Variants in GINS1 observed in about 807,000 individuals in gnomAD.
The protein encoded by GINS1 is DNA replication complex GINS protein PSF1.
In GINS1, 26 loss-of-function variants were observed where a neutral mutation model predicts 34.9. The ratio of observed to expected loss-of-function variants is 0.74; its 90% CI spans 0.55 to 1.03. The LOEUF (loss-of-function observed/expected upper bound fraction) is 1.03, where lower values mean the gene tolerates loss of function less well. GINS1 is among the 50% of genes least tolerant of loss of function. GINS1 has a pLI of 0.00. For synonymous variants in GINS1, 97 were observed against 84.4 expected (o/e 1.15, Z -0.82); for missense variants, 235 against 237.9 (o/e 0.99, Z 0.08).
chr20:25,433,996 T>A (rs759469036), intron 5 of GINS1, among the ~76,000 whole-genome samples: 1 of 151,984 alleles, frequency 6.6e-6, no homozygotes, highest in Non-Finnish European at 1.5e-5. Context: ...AAACAAAAAA[T>A]AGGGGCTGGG....
In GINS1 at chr20:25,445,950, C is replaced by A; in HGVS notation, c.550C>A (p.Gln184Lys). ...CTTTTTACCTCGATGGAAATGTGAGCAGCTGATCAGACAAGGAGTCCTGGA... is the reference window on the plus strand; with the variant it reads ...CTTTTTACCTCGATGGAAATGTGAGAAGCTGATCAGACAAGGAGTCCTGGA... ...QHFLPRWKCE[Q>K]LIRQGVLEHI... The change falls in exon 7 of 7, where the codon CAG (glutamine) becomes AAG (lysine). Residue 184 changes from glutamine to lysine, a missense_variant. By Grantham distance (53) the Gln-to-Lys change is moderately conservative. Coordinates refer to ENST00000262460, the MANE Select transcript of GINS1 (RefSeq NM_021067.5). The A allele has an allele frequency of 6.2e-7, 1 of 1,611,168 alleles. No homozygotes were observed. The highest frequency in any genetic ancestry group is 8.5e-7 in the Non-Finnish European group (1 of 1,177,466).
At chr20:25,445,361 T>TG (rs1449979965) in intron 6 of GINS1, among the ~76,000 whole-genome samples, 40 of 151,880 alleles carry the variant, frequency 2.6e-4, no homozygotes, top group African/African-American at 9.7e-4. Flanking sequence ...TTTTTTTTTT[T>TG]TTTGTGACAG....
At chr20:25,442,705 T>C (rs2090489484) in intron 6 of GINS1, among the ~76,000 whole-genome samples, 1 of 151,312 alleles carries the variant, frequency 6.6e-6, no homozygotes, top group Admixed American at 6.6e-5. Flanking sequence ...CCTCCTGGGC[T>C]CAAGTGATCC....
intron 2 of GINS1, among the ~76,000 whole-genome samples, chr20:25,414,470 G>A (rs1465402147): frequency 6.6e-6 from 1 of 152,138 alleles, no homozygotes; most frequent in Non-Finnish European, 1.5e-5. Context: ...CCTGTGCTTT[G>A]GGAGGCCAAG....
chr20:25,418,861 C>T (rs1318635697), intron 4 of GINS1, among the ~76,000 whole-genome samples: 1 of 152,168 alleles, frequency 6.6e-6, no homozygotes, highest in Non-Finnish European at 1.5e-5. Flanking sequence ...TCCCTCTTCC[C>T]CTCCCTGGAG....
chr20:25,423,883 G>C (rs1212189062), intron 4 of GINS1, among the ~76,000 whole-genome samples: 1 of 151,916 alleles, frequency 6.6e-6, no homozygotes, highest in African/African-American at 2.4e-5. Context: ...CAAAGTTCTG[G>C]GATTACAGGC....
At chr20:25,421,041 T>C (rs760479337) in intron 4 of GINS1, 66 of 791,352 alleles carry the variant, frequency 8.3e-5, no homozygotes, top group Non-Finnish European at 9.7e-5. Flanking sequence ...ATCATAGGTA[T>C]CTGTATTACC....
intron 5 of GINS1, among the ~76,000 whole-genome samples, chr20:25,432,463 C>T (rs868395231): frequency 2.6e-5 from 4 of 151,704 alleles, no homozygotes; most frequent in Non-Finnish European, 4.4e-5. Context: ...CCACCACGCC[C>T]GGCTAATTTT....
chr20:25,435,781 AAAAAAAAC>A (rs1353007279), intron 5 of GINS1, among the ~76,000 whole-genome samples: 5 of 123,294 alleles, frequency 4.1e-5, no homozygotes, highest in African/African-American at 9.3e-5. Flanking sequence ...AAAAAAAAAA[AAAAAAAAC>A]CAACTTTTTG....
chr20:25,436,144 G>C (rs1434269214), intron 5 of GINS1, among the ~76,000 whole-genome samples: 1 of 151,898 alleles, frequency 6.6e-6, no homozygotes, highest in Non-Finnish European at 1.5e-5. Context: ...TAGATAACAG[G>C]GTCTCCCTAT....
intron 5 of GINS1, among the ~76,000 whole-genome samples, chr20:25,428,656 G>A (rs1292893512): frequency 1.3e-5 from 2 of 151,282 alleles, no homozygotes; most frequent in African/African-American, 4.9e-5. Flanking sequence ...CGCCCACCTC[G>A]GCCTCCCAAA....
In GINS1 at chr20:25,407,862, T is replaced by C; in HGVS notation, c.42T>C (p.His14=). ...CCATGGAACTGATCCGCGAGCTGCA[T>C]CGCGCGCCCGAAGGGCAACTGCCTG... ...EKAMELIREL[H]RAPEGQLPAF... is the part of the protein sequence containing the mutation. The change falls in exon 1 of 7, where the codon CAT becomes CAC. Residue 14 remains histidine (H), a synonymous_variant. Coordinates refer to ENST00000262460, the MANE Select transcript of GINS1 (RefSeq NM_021067.5). The C allele has an allele frequency of 6.2e-7, 1 of 1,613,972 alleles. No individual in the cohort carries two copies. Among genetic ancestry groups the C allele is most frequent in the Non-Finnish European group, 8.5e-7 (1 of 1,179,956 alleles).
At position 25,414,021 on chromosome 20, in the gene GINS1, C is replaced by G. The variant is rs112454864; in HGVS notation, c.140+167C>G. ...CTTGGCCAACATGGTGAAACCTTGTCTCTACTAAAAATACAAAAATTAACC... is the reference window on the plus strand; with the variant it reads ...CTTGGCCAACATGGTGAAACCTTGTGTCTACTAAAAATACAAAAATTAACC... On this transcript the variant is annotated intron_variant, in intron 2 of 6. Coordinates refer to ENST00000262460, the MANE Select transcript of GINS1 (RefSeq NM_021067.5). 6.6e-3 allele frequency among the ~76,000 whole-genome samples: 996 copies of G among 151,926 alleles called. 16 individuals carry two copies. Among genetic ancestry groups the G allele is most frequent in the African/African-American group, 0.023 (954 of 41,420 alleles).
intron 4 of GINS1, among the ~76,000 whole-genome samples, chr20:25,421,271 T>C (rs2090353823): frequency 6.6e-6 from 1 of 152,242 alleles, no homozygotes; most frequent in African/African-American, 2.4e-5. Context: ...ATTCCTGGTA[T>C]ATAGTAAGCA....
In GINS1 at chr20:25,428,397, C is replaced by CTTTT. The variant is rs544831869; in HGVS notation, c.447+3091_447+3094dup. Among the ~76,000 whole-genome samples, 401 of 66,592 alleles carry CTTTT rather than the reference C, an allele frequency of 6.0e-3. 28 individuals are homozygous for CTTTT. Among genetic ancestry groups the CTTTT allele is most frequent in the Middle Eastern group, 0.023 (1 of 44 alleles). 43.7% of individuals were successfully genotyped at this position (66,592 alleles called of 152,430 possible). On this transcript the variant is annotated intron_variant, in intron 5 of 6. Transcript: ENST00000262460. ...AAATCTAGCTTTCCAAGCATAATTT[C>CTTTT]TTTTTTTTTTTTTTTTTTTTTTTTG...
At chr20:25,442,631 G>A (rs138093309) in intron 6 of GINS1, among the ~76,000 whole-genome samples, 1 of 143,676 alleles carries the variant, frequency 7.0e-6, no homozygotes, top group Non-Finnish European at 1.5e-5. Context: ...TTTTTGAGAC[G>A]GAGTCTTGCT....
intron 4 of GINS1, among the ~76,000 whole-genome samples, chr20:25,422,153 C>G (rs1010029105): frequency 2.6e-5 from 4 of 152,174 alleles, no homozygotes; most frequent in Non-Finnish European, 5.9e-5. Flanking sequence ...TGATGTGTCA[C>G]TGAGGAATTC....
At chr20:25,441,219 A>C (rs1348289601) in intron 5 of GINS1, among the ~76,000 whole-genome samples, 2 of 152,222 alleles carry the variant, frequency 1.3e-5, no homozygotes, top group Admixed American at 1.3e-4. Flanking sequence ...CTGCTCCTCC[A>C]TGGTGTACTT....
At chr20:25,443,157 A>T (rs2090492096) in intron 6 of GINS1, 1 of 152,122 alleles carries the variant, frequency 6.6e-6, no homozygotes, top group Admixed American at 6.6e-5. Context: ...TGGATCTTTA[A>T]AACTATTTTA....
Sources: gnomAD v4.1 joint callset for allele counts (sites outside exome capture counted in the v4.1 genomes callset) on GRCh38, gnomAD v4.1.1 for gene constraint, MANE v1.5 for transcripts, NCBI Gene and HGNC (gene_info 2026-07-23, HGNC 2026-07-21) for gene names.